AKAP6: variants seen among roughly 807,000 people sequenced by gnomAD.
AKAP6 encodes A-kinase anchoring protein 6, also known as A-kinase anchor protein 6.
Under a neutral mutation model 188.5 loss-of-function variants are expected in AKAP6, and 58 were observed. That is an observed-to-expected ratio of 0.31 (90% CI 0.25 to 0.38). The LOEUF (loss-of-function observed/expected upper bound fraction) is 0.38, where lower values mean the gene tolerates loss of function less well. Among genes scored for constraint, AKAP6 ranks in the 10% least tolerant of loss-of-function variants. The pLI, the probability that AKAP6 is intolerant of heterozygous loss-of-function variation, is 1.00. For synonymous variants in AKAP6, 989 were observed against 998.6 expected (o/e 0.99, Z 0.18); for missense variants, 2,710 against 2,740.0 (o/e 0.99, Z 0.24).
intron 12 of AKAP6, among the ~76,000 whole-genome samples, chr14:32,775,198 T>C (rs2033019145): frequency 6.6e-6 from 1 of 152,178 alleles, no homozygotes. Context: ...TGAGAGTGTT[T>C]GGAAGGGCAG....
At chr14:32,788,790 G>A (rs1451513773) in intron 12 of AKAP6, among the ~76,000 whole-genome samples, 1 of 152,162 alleles carries the variant, frequency 6.6e-6, no homozygotes, top group Non-Finnish European at 1.5e-5. Context: ...TTCTGGCCCT[G>A]GCATCCCTGG....
intron 7 of AKAP6, among the ~76,000 whole-genome samples, chr14:32,635,317 T>TA (rs1887438937): frequency 6.6e-6 from 1 of 151,998 alleles, no homozygotes; most frequent in Non-Finnish European, 1.5e-5. Flanking sequence ...ATAGTTAGAG[T>TA]AAAAATCCTT....
In AKAP6 at chr14:32,433,668, C is replaced by T. The variant is rs201773057; in HGVS notation, c.175C>T (p.His59Tyr). 1.1e-5 allele frequency: 17 copies of T among 1,614,186 alleles called. No homozygotes were observed. The African/African-American group carries it at 2.1e-4, about 20-fold the overall frequency. Residue 59 changes from histidine (H) to tyrosine (Y), a missense_variant, in exon 2 of 14, where the codon CAC becomes TAC. His to Tyr is a moderately conservative substitution (Grantham distance 83). This residue lies in a region of AKAP6 where 237 missense variants were observed against 313.9 expected (regional missense o/e 0.76). Coordinates refer to ENST00000280979, the MANE Select transcript of AKAP6 (RefSeq NM_004274.5). ...DQQYEKPPPL[H>Y]TGADWKIVLH... ...GCAGTATGAAAAGCCACCCCCACTA[C>T]ACACAGGGGCTGACTGGAAGATTGT...
intron 7 of AKAP6, among the ~76,000 whole-genome samples, chr14:32,629,464 T>G (rs1184784692): frequency 1.3e-5 from 2 of 149,924 alleles, no homozygotes; most frequent in South Asian, 4.2e-4. Context: ...TCATGTTTTT[T>G]TTTTTTTTTC....
At chr14:32,503,847 C>G (rs1880727712) in intron 2 of AKAP6, among the ~76,000 whole-genome samples, 1 of 151,874 alleles carries the variant, frequency 6.6e-6, no homozygotes, top group African/African-American at 2.4e-5. Flanking sequence ...TTTTGTCTGA[C>G]TATTCCTATT....
chr14:32,498,506 C>T (rs1213790568), intron 2 of AKAP6, among the ~76,000 whole-genome samples: 1 of 152,160 alleles, frequency 6.6e-6, no homozygotes, highest in African/African-American at 2.4e-5. Flanking sequence ...GAAAATTCCA[C>T]AACAGAACTT....
At chr14:32,380,322 T>C (rs770450653) in intron 1 of AKAP6, among the ~76,000 whole-genome samples, 2 of 152,208 alleles carry the variant, frequency 1.3e-5, no homozygotes, top group Non-Finnish European at 2.9e-5. Context: ...TTACTTGTAG[T>C]ACATGATCGA....
Position 32,678,472 on chromosome 14 carries a change from T to A in AKAP6, c.2879+13T>A, listed in dbSNP as rs1036836483. The A allele has an allele frequency of 3.7e-6, 6 of 1,613,218 alleles. No individual in the cohort carries two copies. In the African/African-American group the frequency reaches 6.7e-5, roughly 18 times the overall value. Reference sequence around the variant, plus strand: ...TGGGAAGCAATGGGTAGGGAACTATTCTTTTTGTTGTTTTATTCTCACTAA... The same window carrying A: ...TGGGAAGCAATGGGTAGGGAACTATACTTTTTGTTGTTTTATTCTCACTAA... On this transcript the variant is annotated intron_variant, in intron 8 of 13. Coordinates refer to ENST00000280979, the MANE Select transcript of AKAP6 (RefSeq NM_004274.5).
intron 7 of AKAP6, among the ~76,000 whole-genome samples, chr14:32,611,334 G>T (rs1260356936): frequency 1.3e-5 from 2 of 152,108 alleles, no homozygotes; most frequent in Admixed American, 1.3e-4. Flanking sequence ...GTGTAACCTG[G>T]GCATAGATAT....
chr14:32,403,109 A>G (rs576129931), intron 1 of AKAP6: 64 of 152,358 alleles, frequency 4.2e-4, no homozygotes, highest in Admixed American at 2.9e-3. Flanking sequence ...GTTTTCTCAC[A>G]TAGAACCTGT....
chr14:32,462,901 CAAAAAAAAAA>C (rs71143943), intron 2 of AKAP6, among the ~76,000 whole-genome samples: 1 of 8,822 alleles, frequency 1.1e-4, no homozygotes, highest in Admixed American at 1.7e-3. Flanking sequence ...AAATGGAAAG[CAAAAAAAAAA>C]AAAAAAAAAA....
intron 2 of AKAP6, among the ~76,000 whole-genome samples, chr14:32,522,511 A>G (rs550477296): frequency 1.3e-5 from 2 of 152,356 alleles, no homozygotes; most frequent in African/African-American, 4.8e-5. Context: ...AAACAACCCC[A>G]ACAAAAAGTG....
chr14:32,509,120 C>CTTTTTTTTTTTTT (rs368423502), intron 2 of AKAP6, among the ~76,000 whole-genome samples: 2 of 94,776 alleles, frequency 2.1e-5, no homozygotes, highest in Non-Finnish European at 2.0e-5. Flanking sequence ...TGCCCTGCCT[C>CTTTTTTTTTTTTT]TTTTTTTTTT....
rs776212709 is a variant in AKAP6, at chr14:32,535,805, G to A, written c.576G>A (p.Glu192=). Residue 192 remains glutamate (E), a splice_region_variant and synonymous_variant, in exon 3 of 14, where the codon GAG becomes GAA. Transcript: ENST00000280979. ...AAGCTTTCTCTGAAGAGACAAAAGA[G>A]GTGAGTGTTTTCCTTGAAGTTAAGC... is the stretch of plus-strand genomic sequence containing the variant. The part of the protein sequence containing the change: ...ILQAFSEETK[E]GRLDSLTEVD... The A allele has an allele frequency of 1.2e-6, 2 of 1,607,206 alleles. No individual in the cohort carries two copies. Among genetic ancestry groups the A allele is most frequent in the Non-Finnish European group, 1.7e-6 (2 of 1,175,026 alleles).
chr14:32,742,381 C>A (rs1364758982), intron 11 of AKAP6, among the ~76,000 whole-genome samples: 2 of 151,588 alleles, frequency 1.3e-5, no homozygotes, highest in Non-Finnish European at 2.9e-5. Flanking sequence ...CTGCTCTGAT[C>A]TTCATTATTT....
At chr14:32,829,810 T>G (rs1020575578) in intron 13 of AKAP6, 38 bp from the exon 14 acceptor site, 1 of 686,054 alleles carries the variant, frequency 1.5e-6, no homozygotes, top group Non-Finnish European at 2.6e-6. Flanking sequence ...AAAATACATT[T>G]CTGAAACCTT....
intron 1 of AKAP6, among the ~76,000 whole-genome samples, chr14:32,420,989 A>G (rs968100140): frequency 1.3e-5 from 2 of 150,986 alleles, no homozygotes; most frequent in Non-Finnish European, 2.9e-5. Flanking sequence ...ATTAGTCTAT[A>G]TTATTCTTGG....
At chr14:32,506,310 T>C (rs936926272) in intron 2 of AKAP6, among the ~76,000 whole-genome samples, 7 of 152,202 alleles carry the variant, frequency 4.6e-5, no homozygotes, top group Non-Finnish European at 8.8e-5. Context: ...ACAGATTTAT[T>C]GATTAATGAA....
chr14:32,383,026 T>C (rs968249551), intron 1 of AKAP6, among the ~76,000 whole-genome samples: 1 of 151,830 alleles, frequency 6.6e-6, no homozygotes, highest in Non-Finnish European at 1.5e-5. Flanking sequence ...TTCAGAAAGA[T>C]TATGCTTCAT....
Sources: allele counts gnomAD v4.1 joint callset (sites outside exome capture counted in the v4.1 genomes callset), GRCh38; gene constraint gnomAD v4.1.1; regional missense constraint gnomAD v4.1.1; transcripts MANE v1.5; gene names NCBI Gene and HGNC (gene_info 2026-07-23, HGNC 2026-07-21).